NUP98: variants seen among roughly 807,000 people sequenced by gnomAD.
NUP98 encodes nuclear pore complex protein Nup98-Nup96.
In NUP98, 26 loss-of-function variants were observed where a neutral mutation model predicts 191.9. The ratio of observed to expected loss-of-function variants is 0.14; its 90% CI spans 0.10 to 0.19. The LOEUF (loss-of-function observed/expected upper bound fraction) is 0.19. NUP98 is among the 10% of genes least tolerant of loss of function. The pLI, the probability that NUP98 is intolerant of heterozygous loss-of-function variation, is 1.00. For missense variants in NUP98, 1,941 were observed against 2,178.8 expected, an observed-to-expected ratio of 0.89 and a Z score of 2.17; for synonymous variants, 808 against 778.4, an observed-to-expected ratio of 1.04 and a Z score of -0.63.
At chr11:3,748,562 C>T (rs368417869) in intron 11 of NUP98, among the ~76,000 whole-genome samples, 4 of 151,954 alleles carry the variant, frequency 2.6e-5, no homozygotes, top group Admixed American at 6.6e-5. Flanking sequence ...TGGCTTATGC[C>T]GGGAGGCTGA....
At chr11:3,676,413 G>A in intron 32 of NUP98, 37 bp from the exon 33 acceptor site, 1 of 1,610,390 alleles carries the variant, frequency 6.2e-7, no homozygotes, top group Non-Finnish European at 8.5e-7. Flanking sequence ...CTGAGCATGG[G>A]GTCTGGAGAA....
intron 14 of NUP98, among the ~76,000 whole-genome samples, chr11:3,726,982 T>A (rs2079645647): frequency 6.6e-6 from 1 of 152,154 alleles, no homozygotes; most frequent in South Asian, 2.1e-4. Context: ...CCAAGGTTGG[T>A]CTCACTGGCC....
chr11:3,739,437 C>T (rs1007752930), intron 12 of NUP98, among the ~76,000 whole-genome samples: 8 of 151,950 alleles, frequency 5.3e-5, no homozygotes, highest in Non-Finnish European at 7.4e-5. Context: ...TTAGTAGAGA[C>T]GGGGTTTCAC....
chr11:3,703,175 T>C (rs780334281), intron 22 of NUP98, among the ~76,000 whole-genome samples: 2 of 151,954 alleles, frequency 1.3e-5, no homozygotes, highest in Non-Finnish European at 2.9e-5. Flanking sequence ...AGGCTCTGTA[T>C]AAGTCATTTG....
chr11:3,712,075 T>C, intron 20 of NUP98: 5 of 1,049,612 alleles, frequency 4.8e-6, no homozygotes, highest in Non-Finnish European at 4.6e-6. Context: ...GATTATGTAC[T>C]ATTAAAATAC....
chr11:3,793,802 C>G (rs1218241130), intron 1 of NUP98, among the ~76,000 whole-genome samples: 1 of 151,742 alleles, frequency 6.6e-6, no homozygotes, highest in Non-Finnish European at 1.5e-5. Context: ...GAAAGCCTGT[C>G]TCTACTAAAA....
At chr11:3,790,350 G>A (rs915793036) in intron 1 of NUP98, among the ~76,000 whole-genome samples, 6 of 152,078 alleles carry the variant, frequency 3.9e-5, no homozygotes, top group African/African-American at 1.4e-4. Context: ...AGTAGGTACA[G>A]TAGAACCCCA....
At chr11:3,771,038 T>G (rs1333595223) in intron 7 of NUP98, among the ~76,000 whole-genome samples, 1 of 152,158 alleles carries the variant, frequency 6.6e-6, no homozygotes, top group Non-Finnish European at 1.5e-5. Flanking sequence ...AATTTTCATA[T>G]TTTTAGTAGA....
chr11:3,785,287 G>T (rs1383818534), intron 1 of NUP98, among the ~76,000 whole-genome samples: 1 of 152,000 alleles, frequency 6.6e-6, no homozygotes, highest in African/African-American at 2.4e-5. Flanking sequence ...GCAATGACAG[G>T]CTGAAGCTTA....
At chr11:3,795,830 C>T (rs1386883902) in intron 1 of NUP98, among the ~76,000 whole-genome samples, 3 of 152,154 alleles carry the variant, frequency 2.0e-5, no homozygotes, top group Admixed American at 6.5e-5. Flanking sequence ...ACCCTGTTCA[C>T]GCTTTACTAT....
rs1338532973 is a variant in NUP98, at chr11:3,694,584, CA to C, written c.4167+864del. Among the ~76,000 whole-genome samples, 178 of 149,324 alleles carry C rather than the reference CA, an allele frequency of 1.2e-3. 1 individual carries two copies. The highest frequency in any genetic ancestry group is 2.7e-4 in the Non-Finnish European group (18 of 67,096). ...TGAAACCCTGTCTCTACTTAAAATA[CA>C]AAAAATTAGCCCAGCGTGGTGGCAG... is the stretch of plus-strand genomic sequence containing the variant. On this transcript the variant is annotated intron_variant, in intron 26 of 32. Transcript: ENST00000324932.
chr11:3,735,054 G>T, intron 13 of NUP98, 137 bp downstream of exon 13: 1 of 759,226 alleles, frequency 1.3e-6, no homozygotes, highest in Non-Finnish European at 1.9e-6. Context: ...TCCCGGCTGA[G>T]TGAAATAATA....
intron 1 of NUP98, among the ~76,000 whole-genome samples, chr11:3,792,178 CAAAAAAAAAAAAAAAAAAAAA>C (rs61471948): frequency 3.4e-5 from 2 of 58,852 alleles, no homozygotes; most frequent in African/African-American, 5.9e-5. Context: ...AACTCCATCT[CAAAAAAAAAAAAAAAAAAAAA>C]AAAAAAAAAA....
At chr11:3,708,724 TA>T (rs201767459) in intron 20 of NUP98, among the ~76,000 whole-genome samples, 2,655 of 123,684 alleles carry the variant, frequency 0.021, 48 homozygotes, top group African/African-American at 0.059. Flanking sequence ...AAGGTGTACT[TA>T]AAAAAAAAAA....
chr11:3,742,158 G>A (rs564932660), intron 12 of NUP98, among the ~76,000 whole-genome samples: 2 of 152,274 alleles, frequency 1.3e-5, no homozygotes, highest in African/African-American at 4.8e-5. Flanking sequence ...TGGGGTAAAT[G>A]AAATGTTCTG....
chr11:3,752,819 G>T (rs1320189909), intron 11 of NUP98, among the ~76,000 whole-genome samples: 1 of 152,150 alleles, frequency 6.6e-6, no homozygotes, highest in Non-Finnish European at 1.5e-5. Context: ...TATCTTCAAA[G>T]GCACTGAAAA....
At chr11:3,720,963 A>T in intron 16 of NUP98, 138 bp from the exon 17 acceptor site, 1 of 471,042 alleles carries the variant, frequency 2.1e-6, no homozygotes, top group Non-Finnish European at 3.7e-6. Flanking sequence ...TTCCTAGGAG[A>T]AGGGGTGTGT....
chr11:3,776,546 T>G (rs1379916584), intron 4 of NUP98, among the ~76,000 whole-genome samples: 1 of 150,880 alleles, frequency 6.6e-6, no homozygotes, highest in Non-Finnish European at 1.5e-5. Context: ...TGCAGTGGCG[T>G]GATCTCAGCT....
intron 10 of NUP98, among the ~76,000 whole-genome samples, chr11:3,758,229 G>T (rs2081045463): frequency 6.6e-6 from 1 of 151,258 alleles, no homozygotes; most frequent in African/African-American, 2.4e-5. Flanking sequence ...GCTGAGGCAG[G>T]AGAATGGCGT....
Sources: gnomAD v4.1 joint callset for allele counts (sites outside exome capture counted in the v4.1 genomes callset) on GRCh38, gnomAD v4.1.1 for gene constraint, MANE v1.5 for transcripts, NCBI Gene and HGNC (gene_info 2026-07-23, HGNC 2026-07-21) for gene names.